Variants in ITGB3 observed in about 807,000 individuals in gnomAD.
The protein encoded by ITGB3 is integrin beta-3.
ITGB3 carries 48 observed loss-of-function variants against 85.8 expected under a neutral mutation model. That is an observed-to-expected ratio of 0.56 (90% CI 0.44 to 0.71). The LOEUF (loss-of-function observed/expected upper bound fraction) is 0.71. Ranked by LOEUF, ITGB3 falls within the 30% of genes least tolerant of loss-of-function variation. The pLI is 0.00. For missense variants in ITGB3, 861 were observed against 1,019.1 expected (o/e 0.84, Z 2.11); for synonymous variants, 363 against 395.6 (o/e 0.92, Z 0.98).
intron 2 of ITGB3, among the ~76,000 whole-genome samples, chr17:47,277,060 A>C (rs770597012): frequency 1.4e-4 from 22 of 152,244 alleles, no homozygotes; most frequent in Admixed American, 5.2e-4. Flanking sequence ...AAAACAGCCA[A>C]CGTGGATGAG....
rs34654166 is a variant in ITGB3, at chr17:47,260,796, CTT to C, written c.79+6866_79+6867del. Among the ~76,000 whole-genome samples the C allele has an allele frequency of 1.5e-3, 219 of 148,600 alleles. 2 individuals carry two copies. The highest frequency in any genetic ancestry group is 5.0e-3 in the African/African-American group (201 of 40,500). On this transcript the variant is annotated intron_variant, in intron 1 of 14. Transcript: ENST00000559488. ...AGAGTGGGCCTGACAAAGTTTATTC[CTT>C]TTTTTTTTTCCATTCTCTTTTATTA...
At chr17:47,256,362 G>A (rs543993077) in intron 1 of ITGB3, among the ~76,000 whole-genome samples, 2 of 151,982 alleles carry the variant, frequency 1.3e-5, no homozygotes, top group African/African-American at 2.4e-5. Flanking sequence ...TGATTGGGGC[G>A]ATTCCAGAAG....
At chr17:47,290,725 C>T (rs1285596762) in intron 8 of ITGB3, among the ~76,000 whole-genome samples, 2 of 152,080 alleles carry the variant, frequency 1.3e-5, no homozygotes, top group East Asian at 3.9e-4. Context: ...TACATTTTAC[C>T]CAGACTCACC....
intron 4 of ITGB3, among the ~76,000 whole-genome samples, chr17:47,285,269 T>A (rs1425284731): frequency 6.6e-6 from 1 of 152,222 alleles, no homozygotes; most frequent in Non-Finnish European, 1.5e-5. Flanking sequence ...TTAGAATAAC[T>A]TACAATGCTG....
intron 2 of ITGB3, among the ~76,000 whole-genome samples, chr17:47,275,172 G>A (rs577435904): frequency 2.6e-5 from 4 of 152,206 alleles, no homozygotes; most frequent in Admixed American, 1.3e-4. Flanking sequence ...ATTGGGCCCC[G>A]CGGCTTTACA....
rs1030833217 is a variant in ITGB3, at chr17:47,312,524, C to T, written c.*2320C>T. On this transcript the variant is annotated 3_prime_UTR_variant, in exon 15 of 15. Transcript: ENST00000559488. ...CTACTAAGACAGGTGTGGTGGCTCACGCCTGTGATTATAATCTTCAGTTAC... is the reference window on the plus strand; with the variant it reads ...CTACTAAGACAGGTGTGGTGGCTCATGCCTGTGATTATAATCTTCAGTTAC... 2.0e-5 allele frequency among the ~76,000 whole-genome samples: 3 copies of T among 152,146 alleles called. No individual in the cohort carries two copies. The highest frequency in any genetic ancestry group is 4.8e-5 in the African/African-American group (2 of 41,420).
At chr17:47,282,197 C>T (rs897071460) in intron 2 of ITGB3, among the ~76,000 whole-genome samples, 2 of 152,074 alleles carry the variant, frequency 1.3e-5, no homozygotes, top group African/African-American at 4.8e-5. Context: ...GATCTGCCCA[C>T]CTCAGCCTCC....
chr17:47,306,037 T>A (rs2065186566), intron 13 of ITGB3, among the ~76,000 whole-genome samples: 1 of 152,134 alleles, frequency 6.6e-6, no homozygotes, highest in African/African-American at 2.4e-5. Context: ...TTTCCAAAGA[T>A]CATGTATAAA....
chr17:47,292,067 T>A, intron 9 of ITGB3, 72 bp from the exon 10 acceptor site: 1 of 1,549,550 alleles, frequency 6.5e-7, no homozygotes, highest in Non-Finnish European at 8.9e-7. Context: ...GGGAACAACT[T>A]TTTTTTTCCT....
intron 6 of ITGB3, among the ~76,000 whole-genome samples, chr17:47,288,549 G>A (rs776177089): frequency 1.5e-4 from 23 of 152,098 alleles, no homozygotes; most frequent in African/African-American, 4.1e-4. Context: ...TGACTTAAAG[G>A]TGTACCTGTG....
intron 6 of ITGB3, among the ~76,000 whole-genome samples, chr17:47,289,008 G>A (rs1567765659): frequency 6.6e-6 from 1 of 152,094 alleles, no homozygotes; most frequent in South Asian, 2.1e-4. Context: ...CCAACAAGAA[G>A]GCCACTCCAG....
intron 1 of ITGB3, among the ~76,000 whole-genome samples, chr17:47,255,897 G>A (rs983001102): frequency 6.6e-6 from 1 of 152,138 alleles, no homozygotes; most frequent in South Asian, 2.1e-4. Context: ...CCTGGGACAT[G>A]TGGAGCCTTG....
intron 1 of ITGB3, among the ~76,000 whole-genome samples, chr17:47,254,346 G>T (rs2064980140): frequency 1.3e-5 from 2 of 152,164 alleles, no homozygotes; most frequent in African/African-American, 4.8e-5. Flanking sequence ...TTGTTCCCGC[G>T]CCTTGGCAGA....
At chr17:47,301,649 A>T (rs1204757555) in intron 12 of ITGB3, among the ~76,000 whole-genome samples, 1 of 152,220 alleles carries the variant, frequency 6.6e-6, no homozygotes, top group Non-Finnish European at 1.5e-5. Context: ...ATTATAGTAC[A>T]GGGAAAAGAG....
chr17:47,292,517 T>G lies in ITGB3; in HGVS notation c.1639T>G (p.Cys547Gly), dbSNP rs902952044. The change falls in exon 10 of 15, where the codon TGC becomes GGC. Residue 547 changes from cysteine (C) to glycine (G), a missense_variant. Coordinates refer to ENST00000559488, the MANE Select transcript of ITGB3 (RefSeq NM_000212.3). ...CTTTGGCAAGATCACGGGCAAGTAC[T>G]GCGAGTGTGACGACTTCTCCTGTGT... is the stretch of plus-strand genomic sequence containing the variant. Reference protein sequence around the residue: ...SDFGKITGKYCECDDFSCVRY... With the variant: ...SDFGKITGKYGECDDFSCVRY... The G allele has an allele frequency of 1.2e-5, 20 of 1,605,988 alleles. No individual in the cohort carries two copies. Among genetic ancestry groups the G allele is most frequent in the Non-Finnish European group, 1.6e-5 (19 of 1,179,874 alleles).
intron 2 of ITGB3, among the ~76,000 whole-genome samples, chr17:47,277,127 G>A (rs2015729): frequency 0.41 from 62,856 of 151,886 alleles, 13,316 homozygotes; most frequent in East Asian, 0.57. Context: ...GGATACCGAC[G>A]CGGGTTGGGT....
In ITGB3 at chr17:47,283,362, T is replaced by A. The variant is rs1157534164; in HGVS notation, c.174T>A (p.Pro58=). Residue 58 remains proline (P), a synonymous_variant, in exon 3 of 15, where the codon CCT becomes CCA. Transcript: ENST00000559488. The stretch of plus-strand genomic sequence containing the variant: ...GGGCTCCTGTCTTACAGGCCCTGCC[T>A]CTGGGCTCACCTCGCTGTGACCTGA... ...MCAWCSDEAL[P]LGSPRCDLKE... is the part of the protein sequence containing the mutation. The A allele has an allele frequency of 6.2e-7, 1 of 1,614,256 alleles. No individual in the cohort carries two copies. The highest frequency in any genetic ancestry group is 1.7e-5 in the Admixed American group (1 of 60,036).
At chr17:47,292,832 A>G (rs546295354) in intron 10 of ITGB3, among the ~76,000 whole-genome samples, 2 of 152,374 alleles carry the variant, frequency 1.3e-5, no homozygotes, top group South Asian at 2.1e-4. Context: ...ATAATTTTAC[A>G]TGAGTTTATC....
chr17:47,283,516 A>C lies in ITGB3; in HGVS notation c.328A>C (p.Ser110Arg). 6.2e-7 allele frequency: 1 copy of C among 1,614,252 alleles called. No individual in the cohort carries two copies. Among genetic ancestry groups the C allele is most frequent in the Non-Finnish European group, 8.5e-7 (1 of 1,180,056 alleles). The change falls in exon 3 of 15, where the codon AGT (serine) becomes CGT (arginine). Residue 110 changes from serine (S) to arginine (R), a missense_variant. By Grantham distance (110) the Ser-to-Arg change is moderately radical (BLOSUM62 -1). Coordinates refer to ENST00000559488, the MANE Select transcript of ITGB3 (RefSeq NM_000212.3). ...SGDSSQVTQV[S>R]PQRIALRLRP... ...AGACAGCTCCCAGGTCACTCAAGTC[A>C]GTCCCCAGAGGATTGCACTCCGGCT...
Sources: gnomAD v4.1 joint callset for allele counts (sites outside exome capture counted in the v4.1 genomes callset) on GRCh38, gnomAD v4.1.1 for gene constraint, MANE v1.5 for transcripts, NCBI Gene and HGNC (gene_info 2026-07-23, HGNC 2026-07-21) for gene names.